LRRTM4: variants seen among roughly 807,000 people sequenced by gnomAD.
LRRTM4 encodes the protein leucine rich repeat transmembrane neuronal 4, also known as leucine-rich repeat transmembrane neuronal protein 4.
In LRRTM4, 25 loss-of-function variants were observed where a neutral mutation model predicts 47.6. The observed-to-expected ratio is 0.53, with a 90% CI of 0.38 to 0.73. LRRTM4 has a LOEUF of 0.73. LRRTM4 is among the 30% of genes least tolerant of loss of function. LRRTM4 has a pLI of 0.00. For synonymous variants in LRRTM4, 311 were observed against 269.5 expected, an observed-to-expected ratio of 1.15 and a Z score of -1.51; for missense variants, 638 against 713.4, an observed-to-expected ratio of 0.89 and a Z score of 1.20.
intron 3 of LRRTM4, among the ~76,000 whole-genome samples, chr2:77,417,510 C>A (rs1021786559): frequency 3.3e-5 from 5 of 152,010 alleles, no homozygotes; most frequent in Non-Finnish European, 7.4e-5. Context: ...CAACAATGAT[C>A]GACTGGATTA....
chr2:76,774,057 T>C (rs567275930), intron 3 of LRRTM4, among the ~76,000 whole-genome samples: 1 of 152,180 alleles, frequency 6.6e-6, no homozygotes, highest in East Asian at 1.9e-4. Flanking sequence ...CCCGAAAACT[T>C]AGCTACTAAT....
rs145107062 is a variant in LRRTM4 at position 77,444,095 on chromosome 2, C to T, written c.1551+74223G>A. Reference sequence around the variant, plus strand: ...AGTAAGAGCTTAATGTATACTTCTACAAGAAGGTTGGCATAGCAAAATTCA... The same window carrying T: ...AGTAAGAGCTTAATGTATACTTCTATAAGAAGGTTGGCATAGCAAAATTCA... On this transcript the variant is annotated intron_variant, in intron 3 of 3. Coordinates refer to ENST00000409884, the MANE Select transcript of LRRTM4 (RefSeq NM_001134745.3). 5.9e-3 allele frequency among the ~76,000 whole-genome samples: 891 copies of T among 152,120 alleles called. 9 individuals are homozygous for T. The highest frequency in any genetic ancestry group is 0.02 in the African/African-American group (830 of 41,520).
At chr2:76,888,028 ACTGT>A (rs1178050397) in intron 3 of LRRTM4, among the ~76,000 whole-genome samples, 1 of 150,204 alleles carries the variant, frequency 6.7e-6, no homozygotes, top group Non-Finnish European at 1.5e-5. Context: ...CTCTGCACAC[ACTGT>A]GTGTGTGTAT....
chr2:77,143,971 A>G (rs1275323877), intron 3 of LRRTM4, among the ~76,000 whole-genome samples: 1 of 152,160 alleles, frequency 6.6e-6, no homozygotes, highest in Non-Finnish European at 1.5e-5. Flanking sequence ...CTGGAAGCAG[A>G]TTGAGAGACA....
chr2:77,016,289 G>A (rs1358730763), intron 3 of LRRTM4, among the ~76,000 whole-genome samples: 1 of 151,326 alleles, frequency 6.6e-6, no homozygotes, highest in African/African-American at 2.4e-5. Context: ...GGGAGGCTGA[G>A]GCAAAAGAAT....
At chr2:77,075,869 C>G (rs1680318317) in intron 3 of LRRTM4, among the ~76,000 whole-genome samples, 1 of 131,804 alleles carries the variant, frequency 7.6e-6, no homozygotes, top group African/African-American at 3.1e-5. Context: ...GAGCCGAGAT[C>G]CCGCCACTGC....
intron 3 of LRRTM4, among the ~76,000 whole-genome samples, chr2:77,041,243 TGACAG>T (rs1384035762): frequency 6.6e-6 from 1 of 151,642 alleles, no homozygotes; most frequent in Non-Finnish European, 1.5e-5. Flanking sequence ...TTGTTGTAAA[TGACAG>T]GATTTCATTC....
chr2:77,221,328 A>G (rs951830105), intron 3 of LRRTM4, among the ~76,000 whole-genome samples: 29 of 152,310 alleles, frequency 1.9e-4, no homozygotes, highest in African/African-American at 6.7e-4. Context: ...TAACATCATC[A>G]TGACAGGATC....
At chr2:77,116,140 G>T (rs1184064597) in intron 3 of LRRTM4, among the ~76,000 whole-genome samples, 1 of 151,872 alleles carries the variant, frequency 6.6e-6, no homozygotes, top group African/African-American at 2.4e-5. Context: ...TAGTGTCAAC[G>T]TTTAGGAGCC....
At chr2:77,311,255 G>C (rs1398134494) in intron 3 of LRRTM4, among the ~76,000 whole-genome samples, 1 of 152,058 alleles carries the variant, frequency 6.6e-6, no homozygotes, top group Admixed American at 6.6e-5. Context: ...CTCATTTGAG[G>C]GTACTGAGTT....
intron 3 of LRRTM4, among the ~76,000 whole-genome samples, chr2:77,272,931 C>G (rs946979802): frequency 6.6e-6 from 1 of 152,012 alleles, no homozygotes; most frequent in African/African-American, 2.4e-5. Flanking sequence ...TTGTGGAGAG[C>G]CATATTTTTA....
At chr2:76,923,965 G>T (rs1181418253) in intron 3 of LRRTM4, among the ~76,000 whole-genome samples, 2 of 152,026 alleles carry the variant, frequency 1.3e-5, no homozygotes, top group African/African-American at 4.8e-5. Context: ...TGTGGCATAG[G>T]TGTGGAGTGT....
At chr2:77,440,398 A>G (rs1314241692) in intron 3 of LRRTM4, among the ~76,000 whole-genome samples, 1 of 152,094 alleles carries the variant, frequency 6.6e-6, no homozygotes, top group Non-Finnish European at 1.5e-5. Flanking sequence ...AGGGCGACAG[A>G]GTGAGACTCC....
rs748876047 is a variant in LRRTM4 at position 76,777,315 on chromosome 2, T to C, written c.1552-28399A>G. On this transcript the variant is annotated intron_variant, in intron 3 of 3. Coordinates refer to ENST00000409884, the MANE Select transcript of LRRTM4 (RefSeq NM_001134745.3). ...GTGAAGAAAGGCATTGGTAGCTTGA[T>C]GGGGATGGCATTGAATCTGTAAATT... 2.0e-4 allele frequency among the ~76,000 whole-genome samples: 29 copies of C among 143,322 alleles called. 1 individual carries two copies. The highest frequency in any genetic ancestry group is 4.2e-4 in the Admixed American group (6 of 14,418). 94.0% of individuals were successfully genotyped at this position (143,322 alleles called of 152,430 possible).
At chr2:77,116,700 G>A (rs1232010748) in intron 3 of LRRTM4, among the ~76,000 whole-genome samples, 1 of 151,888 alleles carries the variant, frequency 6.6e-6, no homozygotes, top group Non-Finnish European at 1.5e-5. Flanking sequence ...CATATTGTAA[G>A]GACTCTTACT....
At position 76,809,987 on chromosome 2, in the gene LRRTM4, C is replaced by G. The variant is rs146323543; in HGVS notation, c.1552-61071G>C. Reference sequence around the variant, plus strand: ...TATAAAAAAAATTCATCAGCTGTGACTTGTTCTCCATTCTGCTTTACATTT... The same window carrying G: ...TATAAAAAAAATTCATCAGCTGTGAGTTGTTCTCCATTCTGCTTTACATTT... On this transcript the variant is annotated intron_variant, in intron 3 of 3. Coordinates refer to ENST00000409884, the MANE Select transcript of LRRTM4 (RefSeq NM_001134745.3). Among the ~76,000 whole-genome samples the G allele has an allele frequency of 3.9e-3, 595 of 152,278 alleles. 5 individuals are homozygous for G. The highest frequency in any genetic ancestry group is 0.014 in the African/African-American group (563 of 41,560).
At chr2:76,842,089 CTGAG>C (rs1356366184) in intron 3 of LRRTM4, among the ~76,000 whole-genome samples, 1 of 152,136 alleles carries the variant, frequency 6.6e-6, no homozygotes, top group Non-Finnish European at 1.5e-5. Context: ...ATATGGTAAA[CTGAG>C]TGAAGCAGAT....
chr2:76,980,017 C>G (rs756088449), intron 3 of LRRTM4, among the ~76,000 whole-genome samples: 1 of 151,972 alleles, frequency 6.6e-6, no homozygotes. Context: ...AGCTCTAGAC[C>G]CAAGTTCAGC....
chr2:76,803,162 C>A (rs558360585), intron 3 of LRRTM4, among the ~76,000 whole-genome samples: 14 of 152,128 alleles, frequency 9.2e-5, no homozygotes, highest in African/African-American at 3.1e-4. Flanking sequence ...AGTGAAGGGA[C>A]AATCTCCAGG....
Sources: gnomAD v4.1 joint callset for allele counts (sites outside exome capture counted in the v4.1 genomes callset) on GRCh38, gnomAD v4.1.1 for gene constraint, MANE v1.5 for transcripts, NCBI Gene and HGNC (gene_info 2026-07-23, HGNC 2026-07-21) for gene names.